Variants in CSMD3 observed in about 807,000 individuals in gnomAD.
CSMD3 encodes CUB and Sushi multiple domains 3.
In CSMD3, 177 loss-of-function variants were observed where a neutral mutation model predicts 435.2. The ratio of observed to expected loss-of-function variants is 0.41; its 90% CI spans 0.36 to 0.46. The LOEUF is 0.46. Ranked by LOEUF, CSMD3 falls within the 20% of genes least tolerant of loss-of-function variation. CSMD3 has a pLI of 0.34. For synonymous variants in CSMD3, 1,656 were observed against 1,520.5 expected, an observed-to-expected ratio of 1.09 and a Z score of -2.07; for missense variants, 4,265 against 4,504.6, an observed-to-expected ratio of 0.95 and a Z score of 1.52.
chr8:112,259,271 TGA>T (rs774981135), intron 61 of CSMD3, among the ~76,000 whole-genome samples: 1 of 152,078 alleles, frequency 6.6e-6, no homozygotes, highest in Admixed American at 6.5e-5. Flanking sequence ...TAAAAAAGGA[TGA>T]GTTATTGTCC....
At chr8:112,975,347 C>T (rs1358254470) in intron 7 of CSMD3, among the ~76,000 whole-genome samples, 1 of 152,076 alleles carries the variant, frequency 6.6e-6, no homozygotes, top group Non-Finnish European at 1.5e-5. Flanking sequence ...TATAATGTTT[C>T]TATGTTTCCC....
intron 38 of CSMD3, among the ~76,000 whole-genome samples, chr8:112,380,054 A>G (rs551113595): frequency 1.2e-4 from 18 of 152,344 alleles, no homozygotes; most frequent in South Asian, 1.0e-3. Context: ...GATCTGTTGC[A>G]TAATATTGGA....
chr8:113,064,724 C>T (rs1323007048), intron 5 of CSMD3, among the ~76,000 whole-genome samples: 1 of 152,132 alleles, frequency 6.6e-6, no homozygotes, highest in Non-Finnish European at 1.5e-5. Flanking sequence ...AGGTTAGTAG[C>T]TTGGTTGATC....
Position 112,472,683 on chromosome 8 carries a change from C to A in CSMD3, c.5303G>T (p.Gly1768Val), listed in dbSNP as rs1818642565. The change falls in exon 32 of 71, where the codon GGT becomes GTT. Residue 1768 changes from glycine to valine, a missense_variant. Gly to Val is a moderately radical substitution (Grantham distance 109). Around this residue, in one of 3 missense-constraint regions of CSMD3, gnomAD observed 3,255 missense variants for 3,380.2 expected, o/e 0.96. Coordinates refer to ENST00000297405, the MANE Select transcript of CSMD3 (RefSeq NM_198123.2). ...TGGTGATAGAACAGTGCCTTCTGAA[C>A]CTGTTGAACGACTTCCACAGGGCGC... is the stretch of plus-strand genomic sequence containing the variant. ...CHAPCGSRST[G>V]SEGTVLSPNY... The A allele has an allele frequency of 3.7e-6, 6 of 1,610,426 alleles. No homozygotes were observed. Among genetic ancestry groups the A allele is most frequent in the Admixed American group, 1.7e-5 (1 of 59,896 alleles).
intron 5 of CSMD3, among the ~76,000 whole-genome samples, chr8:113,059,101 A>G (rs1264882095): frequency 6.6e-6 from 1 of 152,132 alleles, no homozygotes; most frequent in Non-Finnish European, 1.5e-5. Context: ...TTCCCCAAAG[A>G]CATTTGTGAT....
At chr8:113,091,763 T>C (rs1053874178) in intron 5 of CSMD3, among the ~76,000 whole-genome samples, 3 of 151,944 alleles carry the variant, frequency 2.0e-5, no homozygotes, top group Admixed American at 2.0e-4. Flanking sequence ...TATATTGTTC[T>C]CTTTATTTCT....
chr8:113,417,223 T>C (rs946346061), intron 1 of CSMD3, among the ~76,000 whole-genome samples: 1 of 151,924 alleles, frequency 6.6e-6, no homozygotes, highest in African/African-American at 2.4e-5. Flanking sequence ...AAAAACATCC[T>C]TACATATGTA....
chr8:113,200,192 C>T (rs2092702318), intron 3 of CSMD3, among the ~76,000 whole-genome samples: 1 of 151,696 alleles, frequency 6.6e-6, no homozygotes, highest in African/African-American at 2.4e-5. Flanking sequence ...TCTGTGACTC[C>T]TCTTATTCTT....
intron 17 of CSMD3, among the ~76,000 whole-genome samples, chr8:112,663,180 C>T (rs570553176): frequency 6.6e-5 from 10 of 152,046 alleles, no homozygotes; most frequent in East Asian, 1.9e-4. Context: ...TAAAGACACA[C>T]GCACATGTAT....
At chr8:113,379,475 G>T (rs1263398526) in intron 1 of CSMD3, among the ~76,000 whole-genome samples, 1 of 152,202 alleles carries the variant, frequency 6.6e-6, no homozygotes, top group Admixed American at 6.5e-5. Flanking sequence ...AACAGACAGT[G>T]GAGGCAGACC....
intron 35 of CSMD3, among the ~76,000 whole-genome samples, chr8:112,398,718 C>G (rs1831063512): frequency 6.6e-6 from 1 of 152,142 alleles, no homozygotes; most frequent in African/African-American, 2.4e-5. Context: ...GGCCCTTGCA[C>G]TATGGGCTTG....
chr8:112,934,733 GA>G (rs1322021856), intron 9 of CSMD3, among the ~76,000 whole-genome samples: 5 of 151,142 alleles, frequency 3.3e-5, no homozygotes, highest in Middle Eastern at 3.4e-3. Flanking sequence ...TGGGAGCCTG[GA>G]AAAAAAAATT....
intron 1 of CSMD3, among the ~76,000 whole-genome samples, chr8:113,423,749 T>G (rs2094620790): frequency 6.6e-6 from 1 of 151,898 alleles, no homozygotes; most frequent in African/African-American, 2.4e-5. Context: ...TTATGGAGAT[T>G]GTTGAAAATT....
At chr8:112,812,953 A>G (rs879746869) in intron 12 of CSMD3, among the ~76,000 whole-genome samples, 2 of 152,228 alleles carry the variant, frequency 1.3e-5, no homozygotes, top group African/African-American at 4.8e-5. Context: ...GCCTTAGCCC[A>G]CTTCAAAAGT....
Position 112,557,020 on chromosome 8 carries a change from A to T in CSMD3, c.4043-66T>A, listed in dbSNP as rs868645803. On this transcript the variant is annotated intron_variant, in intron 24 of 70. Transcript: ENST00000297405. ...AGGAGGATTTAAATCTATACAAATCATTCCTTTCCTTTACTATTTTTGATG... is the reference window on the plus strand; with the variant it reads ...AGGAGGATTTAAATCTATACAAATCTTTCCTTTCCTTTACTATTTTTGATG... The T allele has an allele frequency of 7.8e-5, 76 of 971,690 alleles. 2 individuals carry two copies. In the South Asian group the frequency reaches 9.4e-4, roughly 12 times the overall value. The allele number at this position is 971,690 out of a possible 1,614,324, so 60.2% of individuals were successfully genotyped here. A position where few individuals can be genotyped will look rare whatever the true frequency, so the allele number is the denominator to read the frequency against.
intron 4 of CSMD3, among the ~76,000 whole-genome samples, chr8:113,153,092 G>GA (rs1554791123): frequency 2.3e-4 from 20 of 85,924 alleles, no homozygotes; most frequent in African/African-American, 1.0e-3. Context: ...AAGAAAGAAA[G>GA]AAAGAAAGAA....
intron 30 of CSMD3, among the ~76,000 whole-genome samples, chr8:112,493,540 T>A (rs538828132): frequency 6.6e-6 from 1 of 152,134 alleles, no homozygotes; most frequent in Non-Finnish European, 1.5e-5. Context: ...AGGTCTCCCA[T>A]TGTAAAATAG....
At chr8:112,233,020 C>A (rs138896829) in intron 68 of CSMD3, among the ~76,000 whole-genome samples, 190 of 152,256 alleles carry the variant, frequency 1.2e-3, no homozygotes, top group African/African-American at 4.2e-3. Context: ...ATGGCTATGT[C>A]TAATGTTGCC....
At chr8:113,381,532 G>T (rs928778443) in intron 1 of CSMD3, among the ~76,000 whole-genome samples, 1 of 150,782 alleles carries the variant, frequency 6.6e-6, no homozygotes, top group Non-Finnish European at 1.5e-5. Context: ...TACCTCTTTT[G>T]AAGAAAAAAA....
Sources: allele counts gnomAD v4.1 joint callset (sites outside exome capture counted in the v4.1 genomes callset), GRCh38; gene constraint gnomAD v4.1.1; regional missense constraint gnomAD v4.1.1; transcripts MANE v1.5; gene names NCBI Gene and HGNC (gene_info 2026-07-23, HGNC 2026-07-21).